Variants in CENPW observed in about 807,000 individuals in gnomAD.
The protein encoded by CENPW is centromere protein W, also known as cancer-up-regulated gene 2 protein.
A neutral mutation model predicts 11.1 loss-of-function variants in CENPW; 3 were observed. That is an observed-to-expected ratio of 0.27 (90% confidence interval 0.12 to 0.70). The LOEUF is 0.70. Among genes scored for constraint, CENPW ranks in the 30% least tolerant of loss-of-function variants. CENPW has a pLI of 0.77. For missense variants in CENPW, 100 were observed against 105.6 expected (o/e 0.95, Z 0.23); for synonymous variants, 38 against 42.0 (o/e 0.91, Z 0.37).
the CENPW span, among the ~76,000 whole-genome samples, chr6:126,481,505 A>G: frequency 6.6e-6 from 1 of 152,040 alleles, no homozygotes; most frequent in African/African-American, 2.4e-5. Context: ...CATGGCAAGG[A>G]AGCATGCTTG....
chr6:126,395,399 A>G, the CENPW span, among the ~76,000 whole-genome samples: 1 of 151,818 alleles, frequency 6.6e-6, no homozygotes, highest in Non-Finnish European at 1.5e-5. Context: ...AATATTTCAA[A>G]CTTTTTGTTA....
chr6:126,462,851 C>A, the CENPW span, among the ~76,000 whole-genome samples: 24 of 152,000 alleles, frequency 1.6e-4, no homozygotes, highest in South Asian at 3.9e-3. Context: ...GATTAACTGG[C>A]TGATGTGTAT....
At chr6:126,376,964 C>T in the CENPW span, among the ~76,000 whole-genome samples, 8 of 152,116 alleles carry the variant, frequency 5.3e-5, no homozygotes, top group African/African-American at 1.9e-4. Context: ...GTGCATACAT[C>T]TTTAGGTAAA....
the CENPW span, among the ~76,000 whole-genome samples, chr6:126,379,170 G>A: frequency 6.6e-6 from 1 of 152,006 alleles, no homozygotes; most frequent in African/African-American, 2.4e-5. Flanking sequence ...ACCCACCTTG[G>A]ACCAAGCCCT....
the CENPW span, among the ~76,000 whole-genome samples, chr6:126,388,252 A>T: frequency 2.7e-4 from 41 of 152,114 alleles, no homozygotes; most frequent in Admixed American, 9.2e-4. Flanking sequence ...GTTGTATCTT[A>T]AAAAATACCA....
At chr6:126,380,973 C>T in the CENPW span, among the ~76,000 whole-genome samples, 4 of 152,132 alleles carry the variant, frequency 2.6e-5, no homozygotes, top group African/African-American at 4.8e-5. Flanking sequence ...GCAAAGAACC[C>T]TGCTAAGACA....
At chr6:126,401,533 G>T in the CENPW span, among the ~76,000 whole-genome samples, 1 of 151,818 alleles carries the variant, frequency 6.6e-6, no homozygotes, top group Non-Finnish European at 1.5e-5. Flanking sequence ...CTCATCTTTG[G>T]GGATTTCTAA....
the CENPW span, among the ~76,000 whole-genome samples, chr6:126,461,980 G>A: frequency 6.6e-6 from 1 of 151,830 alleles, no homozygotes; most frequent in Non-Finnish European, 1.5e-5. Flanking sequence ...AAATTGTCCA[G>A]TAAATTACTT....
the CENPW span, among the ~76,000 whole-genome samples, chr6:126,465,684 A>G: frequency 2.0e-5 from 3 of 152,246 alleles, no homozygotes; most frequent in African/African-American, 7.2e-5. Context: ...AGCTGATGAA[A>G]AAAATAATGG....
At chr6:126,418,938 G>T in the CENPW span, among the ~76,000 whole-genome samples, 1 of 128,498 alleles carries the variant, frequency 7.8e-6, no homozygotes, top group Non-Finnish European at 1.6e-5. Flanking sequence ...TTGTGGGGTG[G>T]GGGGAGGGGG....
the CENPW span, among the ~76,000 whole-genome samples, chr6:126,474,004 T>C: frequency 6.7e-6 from 1 of 148,390 alleles, no homozygotes; most frequent in Non-Finnish European, 1.5e-5. Flanking sequence ...ATATAGAATA[T>C]ATATATTCTA....
chr6:126,466,264 C>T, the CENPW span, among the ~76,000 whole-genome samples: 4 of 152,050 alleles, frequency 2.6e-5, no homozygotes, highest in Non-Finnish European at 4.4e-5. Flanking sequence ...AAAACAACCT[C>T]GTTAAGGGAG....
At chr6:126,355,893 A>G in the CENPW span, among the ~76,000 whole-genome samples, 1 of 152,144 alleles carries the variant, frequency 6.6e-6, no homozygotes, top group Non-Finnish European at 1.5e-5. Flanking sequence ...TAAGAGCTGG[A>G]TTTTCAACTA....
chr6:126,449,782 C>T, the CENPW span, among the ~76,000 whole-genome samples: 1 of 151,034 alleles, frequency 6.6e-6, no homozygotes, highest in Non-Finnish European at 1.5e-5. Flanking sequence ...TATCCTTGCT[C>T]ACAACATAGG....
the CENPW span, among the ~76,000 whole-genome samples, chr6:126,382,105 A>G: frequency 2.8e-4 from 42 of 151,870 alleles, no homozygotes; most frequent in East Asian, 7.8e-3. Flanking sequence ...ATAACAAAAA[A>G]CCCAGGTGTG....
chr6:126,479,346 C>A, the CENPW span, among the ~76,000 whole-genome samples: 1 of 151,962 alleles, frequency 6.6e-6, no homozygotes, highest in South Asian at 2.1e-4. Flanking sequence ...CTCAAATTTA[C>A]CTACTTGCTG....
chr6:126,358,913 A>C, the CENPW span, among the ~76,000 whole-genome samples: 1 of 151,746 alleles, frequency 6.6e-6, no homozygotes, highest in Non-Finnish European at 1.5e-5. Context: ...TAGATGTACA[A>C]TTTCATTAAG....
intron 1 of CENPW, among the ~76,000 whole-genome samples, chr6:126,344,932 C>T (rs1183693613): frequency 6.6e-6 from 1 of 152,068 alleles, no homozygotes; most frequent in Non-Finnish European, 1.5e-5. Context: ...GATCACTTGC[C>T]ACCATGTAAA....
chr6:126,414,208 T>C, the CENPW span, among the ~76,000 whole-genome samples: 2 of 152,036 alleles, frequency 1.3e-5, no homozygotes, highest in Non-Finnish European at 2.9e-5. Context: ...ATACTCTCCA[T>C]TAGTAGTTTG....
Sources: gnomAD v4.1 joint callset for allele counts (sites outside exome capture counted in the v4.1 genomes callset) on GRCh38, gnomAD v4.1.1 for gene constraint, MANE v1.5 for transcripts, NCBI Gene and HGNC (gene_info 2026-07-23, HGNC 2026-07-21) for gene names.